Variants in ZSWIM5 observed in about 807,000 individuals in gnomAD.
The protein encoded by ZSWIM5 is zinc finger SWIM-type containing 5, also known as zinc finger SWIM domain-containing protein 5.
ZSWIM5 carries 55 observed loss-of-function variants against 119.6 expected under a neutral mutation model. The observed-to-expected ratio is 0.46, with a 90% CI of 0.37 to 0.58. The LOEUF is 0.58. ZSWIM5 is among the 20% of genes least tolerant of loss of function. The pLI, the probability that ZSWIM5 is intolerant of heterozygous loss-of-function variation, is 0.00. For synonymous variants in ZSWIM5, 537 were observed against 606.9 expected, an observed-to-expected ratio of 0.88 and a Z score of 1.69; for missense variants, 1,193 against 1,512.8, an observed-to-expected ratio of 0.79 and a Z score of 3.51.
chr1:45,170,955 CAT>C (rs1227590657), intron 1 of ZSWIM5, among the ~76,000 whole-genome samples: 5 of 152,158 alleles, frequency 3.3e-5, no homozygotes, highest in African/African-American at 1.2e-4. Context: ...TGAATTTACA[CAT>C]AATTATTGTA....
intron 1 of ZSWIM5, among the ~76,000 whole-genome samples, chr1:45,163,907 T>A (rs952321276): frequency 6.6e-6 from 1 of 152,180 alleles, no homozygotes; most frequent in Non-Finnish European, 1.5e-5. Context: ...CAGGATGTTA[T>A]CCAGGAGAAC....
chr1:45,153,432 G>GA (rs923651669), intron 1 of ZSWIM5, among the ~76,000 whole-genome samples: 1 of 151,230 alleles, frequency 6.6e-6, no homozygotes, highest in African/African-American at 2.4e-5. Flanking sequence ...CTTGAACCTG[G>GA]AAGGCAGAGG....
intron 1 of ZSWIM5, among the ~76,000 whole-genome samples, chr1:45,107,162 G>A (rs1645486000): frequency 1.3e-5 from 2 of 151,882 alleles, no homozygotes; most frequent in Admixed American, 1.3e-4. Flanking sequence ...ATTATCCTAT[G>A]ACCCTGCCAC....
Position 45,036,077 on chromosome 1 carries a change from A to G in ZSWIM5, c.2117T>C (p.Val706Ala). 6.2e-7 allele frequency: 1 copy of G among 1,614,084 alleles called. No homozygotes were observed. The highest frequency in any genetic ancestry group is 2.2e-5 in the East Asian group (1 of 44,874). ...GATGCATTGTTTTTGCAGTGTTTGC[A>G]CTAGCTCATCGTCCAGCTGCAGCTC... is the stretch of plus-strand genomic sequence containing the variant. ...LQELQLDDEL[V>A]QTLQKQCILL... is the part of the protein sequence containing the mutation. The change falls in exon 9 of 14, where the codon GTG becomes GCG. Residue 706 changes from valine to alanine, a missense_variant. This residue lies in a region of ZSWIM5 where 961 missense variants were observed against 1,290.0 expected (regional missense o/e 0.74). Transcript: ENST00000359600.
At chr1:45,101,914 T>C (rs1338238079) in intron 1 of ZSWIM5, among the ~76,000 whole-genome samples, 1 of 152,030 alleles carries the variant, frequency 6.6e-6, no homozygotes, top group Admixed American at 6.6e-5. Context: ...GGGGAAGGGA[T>C]AGCATTAGCA....
intron 1 of ZSWIM5, among the ~76,000 whole-genome samples, chr1:45,195,462 G>A (rs1646116367): frequency 6.6e-6 from 1 of 151,822 alleles, no homozygotes. Flanking sequence ...TGAACTCCTG[G>A]GGTCAAGTGA....
intron 1 of ZSWIM5, among the ~76,000 whole-genome samples, chr1:45,144,928 G>C (rs1206364990): frequency 6.6e-6 from 1 of 151,978 alleles, no homozygotes; most frequent in Non-Finnish European, 1.5e-5. Context: ...TCCAATAAAG[G>C]ACTTGCATCT....
chr1:45,112,161 C>T (rs1255111282), intron 1 of ZSWIM5, among the ~76,000 whole-genome samples: 1 of 152,146 alleles, frequency 6.6e-6, no homozygotes, highest in Non-Finnish European at 1.5e-5. Context: ...TCTTCATGGC[C>T]CTGGCTCCCT....
Position 45,072,616 on chromosome 1 carries a change from G to T in ZSWIM5, c.953-12369C>A, listed in dbSNP as rs1645228599. Among the ~76,000 whole-genome samples the T allele has an allele frequency of 1.3e-5, 2 of 151,956 alleles. No homozygotes were observed. Among genetic ancestry groups the T allele is most frequent in the African/African-American group, 2.4e-5 (1 of 41,232 alleles). On this transcript the variant is annotated intron_variant, in intron 2 of 13. Coordinates refer to ENST00000359600, the MANE Select transcript of ZSWIM5 (RefSeq NM_020883.2). This position sits in a 1 kb window ranked among gnomAD's most constrained non-coding sequence, Gnocchi z 4.1. ...TTTTTGTATATGGCTAGAGATAGGG[G>T]TCTAGTTTCATTTCTTCTGCATATG... is the stretch of plus-strand genomic sequence containing the variant.
chr1:45,135,633 CAT>C (rs1483406191), intron 1 of ZSWIM5, among the ~76,000 whole-genome samples: 3 of 152,160 alleles, frequency 2.0e-5, no homozygotes, highest in Non-Finnish European at 4.4e-5. Flanking sequence ...CAAAGAGACA[CAT>C]GTCTACTAAG....
intron 1 of ZSWIM5, among the ~76,000 whole-genome samples, chr1:45,141,206 C>G (rs1645724717): frequency 6.6e-6 from 1 of 152,208 alleles, no homozygotes; most frequent in Non-Finnish European, 1.5e-5. Context: ...AGACTTTCCT[C>G]TCTTTTGGTA....
At chr1:45,128,486 A>T (rs1187190633) in intron 1 of ZSWIM5, among the ~76,000 whole-genome samples, 1 of 152,176 alleles carries the variant, frequency 6.6e-6, no homozygotes, top group Non-Finnish European at 1.5e-5. Context: ...GGTGTATGCC[A>T]CCGCCCCTGG....
intron 1 of ZSWIM5, among the ~76,000 whole-genome samples, chr1:45,092,538 A>ACTCCCCCC (rs1645373218): frequency 1.7e-5 from 1 of 57,404 alleles, no homozygotes; most frequent in East Asian, 5.5e-4. Flanking sequence ...CTCGTGATCC[A>ACTCCCCCC]CCCCCCCCCC....
intron 1 of ZSWIM5, among the ~76,000 whole-genome samples, chr1:45,145,744 T>C (rs1292963316): frequency 6.6e-6 from 1 of 152,180 alleles, no homozygotes; most frequent in East Asian, 1.9e-4. Flanking sequence ...CTTAAGTTTA[T>C]ACATCTGTTA....
At chr1:45,071,502 C>G (rs1213599759) in intron 2 of ZSWIM5, among the ~76,000 whole-genome samples, 7 of 147,268 alleles carry the variant, frequency 4.8e-5, no homozygotes, top group African/African-American at 1.8e-4. Flanking sequence ...GTCACCCAGG[C>G]TGGAGTGCAG....
chr1:45,142,403 G>A (rs1310734301), intron 1 of ZSWIM5, among the ~76,000 whole-genome samples: 1 of 152,158 alleles, frequency 6.6e-6, no homozygotes. Flanking sequence ...CCAGGCTAGA[G>A]TACAGTGGCA....
At chr1:45,183,931 G>GC (rs2149050094) in intron 1 of ZSWIM5, among the ~76,000 whole-genome samples, 1 of 152,246 alleles carries the variant, frequency 6.6e-6, no homozygotes, top group South Asian at 2.1e-4. Flanking sequence ...CCAAAGCCGG[G>GC]CAGAGACACA....
chr1:45,125,970 A>C (rs1645618698), intron 1 of ZSWIM5, among the ~76,000 whole-genome samples: 1 of 151,912 alleles, frequency 6.6e-6, no homozygotes, highest in Admixed American at 6.6e-5. Flanking sequence ...CTGAAGACTG[A>C]GGTGGGAGGA....
intron 1 of ZSWIM5, among the ~76,000 whole-genome samples, chr1:45,096,078 A>C (rs917368690): frequency 1.3e-5 from 2 of 152,220 alleles, no homozygotes; most frequent in African/African-American, 4.8e-5. Flanking sequence ...AAAATACAAA[A>C]ACAAAATACA....
Sources: gnomAD v4.1 joint callset for allele counts (sites outside exome capture counted in the v4.1 genomes callset) on GRCh38, gnomAD v4.1.1 for gene constraint, gnomAD v4.1.1 regional missense constraint, Gnocchi (gnomAD v3.1) non-coding constraint, MANE v1.5 for transcripts, NCBI Gene and HGNC (gene_info 2026-07-23, HGNC 2026-07-21) for gene names.